Variants in SLC39A11 observed in about 807,000 individuals in gnomAD.
The protein encoded by SLC39A11 is zinc transporter ZIP11.
Under a neutral mutation model 36.1 loss-of-function variants are expected in SLC39A11, and 33 were observed. That is an observed-to-expected ratio of 0.91 (90% CI 0.69 to 1.22). SLC39A11 has a LOEUF of 1.22. Among genes scored for constraint, SLC39A11 ranks in the 50% most tolerant of loss-of-function variants. The pLI is 0.00. For missense variants in SLC39A11, 432 were observed against 430.3 expected (o/e 1.00, Z -0.03); for synonymous variants, 166 against 170.3 (o/e 0.97, Z 0.20).
intron 3 of SLC39A11, among the ~76,000 whole-genome samples, chr17:73,072,811 T>C (rs541920395): frequency 2.6e-5 from 4 of 152,318 alleles, no homozygotes; most frequent in African/African-American, 7.2e-5. Flanking sequence ...CCGTGCCTCA[T>C]GTGGTTTGAG....
intron 7 of SLC39A11, among the ~76,000 whole-genome samples, chr17:72,666,529 C>G (rs2070763738): frequency 6.6e-6 from 1 of 152,338 alleles, no homozygotes; most frequent in Admixed American, 6.5e-5. Flanking sequence ...ACTTTGCTCT[C>G]TGCCTGGCTC....
chr17:73,075,852 C>G (rs892002020), intron 3 of SLC39A11, among the ~76,000 whole-genome samples: 5 of 151,998 alleles, frequency 3.3e-5, no homozygotes, highest in African/African-American at 1.2e-4. Context: ...GACTCTATCT[C>G]AAAAAAATCC....
intron 5 of SLC39A11, among the ~76,000 whole-genome samples, chr17:72,866,464 C>T (rs532903365): frequency 6.6e-6 from 1 of 152,134 alleles, no homozygotes; most frequent in South Asian, 2.1e-4. Flanking sequence ...CAGAACCATC[C>T]CCCACAACCC....
At chr17:73,053,241 CTTTT>C (rs111679659) in intron 3 of SLC39A11, among the ~76,000 whole-genome samples, 1 of 38,100 alleles carries the variant, frequency 2.6e-5, no homozygotes, top group African/African-American at 8.3e-5. Flanking sequence ...ATTTGATTTT[CTTTT>C]TTTTTTTTAA....
At chr17:72,893,436 G>GA (rs2081863549) in intron 5 of SLC39A11, among the ~76,000 whole-genome samples, 1 of 151,952 alleles carries the variant, frequency 6.6e-6, no homozygotes, top group Admixed American at 6.6e-5. Context: ...CTCCAGCCTG[G>GA]GCGACACAGC....
Position 73,035,436 on chromosome 17 carries a change from G to A in SLC39A11, c.148-3722C>T, listed in dbSNP as rs149525056. Among the ~76,000 whole-genome samples the A allele has an allele frequency of 4.7e-3, 720 of 152,152 alleles. 11 individuals carry two copies. Among genetic ancestry groups the A allele is most frequent in the African/African-American group, 0.016 (674 of 41,542 alleles). On this transcript the variant is annotated intron_variant, in intron 3 of 9. Coordinates refer to ENST00000255559, the MANE Select transcript of SLC39A11 (RefSeq NM_139177.4). ...ATTACAGGTGTGAGCCACCGCACCC[G>A]GCCAAAAAGTTATTTAAAGGGCGAG...
At chr17:72,760,486 C>T (rs886548245) in intron 6 of SLC39A11, among the ~76,000 whole-genome samples, 9 of 152,298 alleles carry the variant, frequency 5.9e-5, no homozygotes, top group South Asian at 2.1e-4. Context: ...CGTTGGTTTC[C>T]GTGTGGGACA....
intron 7 of SLC39A11, among the ~76,000 whole-genome samples, chr17:72,713,480 G>C (rs149210250): frequency 6.6e-6 from 1 of 152,296 alleles, no homozygotes; most frequent in African/African-American, 2.4e-5. Flanking sequence ...CCTTAATACA[G>C]ATTAGTGACT....
intron 6 of SLC39A11, among the ~76,000 whole-genome samples, chr17:72,774,822 C>T (rs1256369374): frequency 6.6e-6 from 1 of 152,178 alleles, no homozygotes; most frequent in East Asian, 1.9e-4. Context: ...GGCTAGATTG[C>T]TTTACTCTTC....
chr17:72,921,277 G>A (rs1225662748), intron 5 of SLC39A11, among the ~76,000 whole-genome samples: 1 of 152,196 alleles, frequency 6.6e-6, no homozygotes, highest in African/African-American at 2.4e-5. Context: ...GATTTGGAGA[G>A]TGTGACACCG....
Position 72,712,203 on chromosome 17 carries a change from G to T in SLC39A11, c.671+24447C>A, listed in dbSNP as rs564463339. On this transcript the variant is annotated intron_variant, in intron 7 of 9. Transcript: ENST00000255559. ...GAGAAAGGACTGGGTCTTCAAGAAG[G>T]AAGACAGACAGGGGACAGGCTCCAA... Among the ~76,000 whole-genome samples, 5 of 152,368 alleles carry T rather than the reference G, an allele frequency of 3.3e-5. No homozygotes were observed. In the East Asian group the frequency reaches 9.7e-4, roughly 29 times the overall value.
intron 3 of SLC39A11, among the ~76,000 whole-genome samples, chr17:73,068,916 C>T (rs902072775): frequency 6.6e-6 from 1 of 152,128 alleles, no homozygotes; most frequent in African/African-American, 2.4e-5. Context: ...TTCTCAAAAA[C>T]GTCTCCAGAA....
chr17:73,073,737 T>A (rs535758648), intron 3 of SLC39A11: 2 of 152,198 alleles, frequency 1.3e-5, no homozygotes, highest in African/African-American at 4.8e-5. Flanking sequence ...TGGGGACGGA[T>A]CTGCTCTTGG....
chr17:72,849,684 C>A lies in SLC39A11; in HGVS notation c.551G>T (p.Trp184Leu), dbSNP rs1387408695. ...GNLAQPGGSS[W>L]RRIALLILAI... ...CAAGATGAGCAGTGCGATCCTCCTCCAGCTGCTGCCGCCGGGCTGTGCCAG... is the reference window on the plus strand; with the variant it reads ...CAAGATGAGCAGTGCGATCCTCCTCAAGCTGCTGCCGCCGGGCTGTGCCAG... The change falls in exon 6 of 10, where the codon TGG becomes TTG. Residue 184 changes from tryptophan to leucine, a missense_variant. Physicochemically the swap from Trp to Leu is moderately conservative, Grantham distance 61. Coordinates refer to ENST00000255559, the MANE Select transcript of SLC39A11 (RefSeq NM_139177.4). The A allele has an allele frequency of 1.9e-6, 3 of 1,608,544 alleles. No individual in the cohort carries two copies. Among genetic ancestry groups the A allele is most frequent in the Admixed American group, 1.7e-5 (1 of 58,872 alleles).
At chr17:72,781,525 A>G (rs1598709298) in intron 6 of SLC39A11, among the ~76,000 whole-genome samples, 1 of 150,156 alleles carries the variant, frequency 6.7e-6, no homozygotes, top group Non-Finnish European at 1.5e-5. Flanking sequence ...CTGGGTTCAC[A>G]CCATTCTCCT....
At chr17:72,993,356 C>T (rs1342229014) in intron 4 of SLC39A11, among the ~76,000 whole-genome samples, 1 of 152,130 alleles carries the variant, frequency 6.6e-6, no homozygotes, top group Admixed American at 6.5e-5. Context: ...AAACAGATGC[C>T]TGGGCTCTAC....
intron 4 of SLC39A11, among the ~76,000 whole-genome samples, chr17:73,011,723 G>A (rs1355960168): frequency 1.3e-5 from 2 of 149,928 alleles, no homozygotes; most frequent in Non-Finnish European, 3.0e-5. Flanking sequence ...GTGCAGCGGC[G>A]CGATCTTGGC....
chr17:72,721,738 G>A (rs1207571727), intron 7 of SLC39A11, among the ~76,000 whole-genome samples: 1 of 152,118 alleles, frequency 6.6e-6, no homozygotes, highest in Non-Finnish European at 1.5e-5. Context: ...GGGAGGACGA[G>A]GCAGGCAGAT....
Position 72,648,964 on chromosome 17 carries a change from A to C in SLC39A11, c.771-3T>G, listed in dbSNP as rs182005927. The C allele has an allele frequency of 2.7e-4, 427 of 1,610,292 alleles. 3 individuals carry two copies. The African/African-American group carries it at 5.2e-3, about 20-fold the overall frequency. Reference sequence around the variant, plus strand: ...CCATGCCGCTCAGCTGCCCATACCTAAGGAGAGAACAGAGACATTTACCAC... The same window carrying C: ...CCATGCCGCTCAGCTGCCCATACCTCAGGAGAGAACAGAGACATTTACCAC... On this transcript the variant is annotated splice_region_variant and splice_polypyrimidine_tract_variant and intron_variant, in intron 8 of 9. Coordinates refer to ENST00000255559, the MANE Select transcript of SLC39A11 (RefSeq NM_139177.4).
Sources: gnomAD v4.1 joint callset for allele counts (sites outside exome capture counted in the v4.1 genomes callset) on GRCh38, gnomAD v4.1.1 for gene constraint, MANE v1.5 for transcripts, NCBI Gene and HGNC (gene_info 2026-07-23, HGNC 2026-07-21) for gene names.